Variants in CELF2 observed in about 807,000 individuals in gnomAD.
The protein encoded by CELF2 is CUG triplet repeat RNA-binding protein 2.
CELF2 carries 8 observed loss-of-function variants against 62.6 expected under a neutral mutation model. The observed-to-expected ratio is 0.13, with a 90% CI of 0.07 to 0.23. The LOEUF (loss-of-function observed/expected upper bound fraction) is 0.23, where lower values mean the gene tolerates loss of function less well. CELF2 is among the 10% of genes least tolerant of loss of function. The probability of loss-of-function intolerance (pLI) is 1.00; values close to 1 mark genes in which losing one functional copy is unlikely to be tolerated. For synonymous variants in CELF2, 258 were observed against 250.0 expected (o/e 1.03, Z -0.30); for missense variants, 333 against 671.0 (o/e 0.50, Z 5.56).
At chr10:10,634,282 T>C in the CELF2 span, among the ~76,000 whole-genome samples, 1 of 152,174 alleles carries the variant, frequency 6.6e-6, no homozygotes, top group South Asian at 2.1e-4. Flanking sequence ...ATCTCATTAA[T>C]ATTTTTCCTA....
the CELF2 span, among the ~76,000 whole-genome samples, chr10:10,713,897 T>C: frequency 2.6e-5 from 4 of 152,060 alleles, no homozygotes; most frequent in Non-Finnish European, 5.9e-5. Context: ...TAGCTGGGTG[T>C]GGCGGCACGT....
At chr10:10,604,951 A>G in the CELF2 span, among the ~76,000 whole-genome samples, 9 of 152,214 alleles carry the variant, frequency 5.9e-5, no homozygotes, top group African/African-American at 9.6e-5. Flanking sequence ...GAATCATTCT[A>G]TTATAAAGAT....
At chr10:10,475,949 C>G in the CELF2 span, among the ~76,000 whole-genome samples, 1 of 151,992 alleles carries the variant, frequency 6.6e-6, no homozygotes, top group Non-Finnish European at 1.5e-5. Flanking sequence ...ATTTTGTATA[C>G]CATCACTTCT....
intron 1 of CELF2, among the ~76,000 whole-genome samples, chr10:11,135,838 T>A (rs2060345655): frequency 6.6e-6 from 1 of 152,000 alleles, no homozygotes; most frequent in African/African-American, 2.4e-5. Flanking sequence ...CTGTAAATAA[T>A]GTGTATGGCC....
Position 11,018,013 on chromosome 10 carries a change from C to T in CELF2, c.-77C>T. On this transcript the variant is annotated 5_prime_UTR_variant, in exon 1 of 13. Transcript: ENST00000633077. ...GGAGGCCGCGCGCACCTGTCCCTGC[C>T]CGTCTCGCGCCGCCCGCGGCCGCTC... The T allele has an allele frequency of 9.4e-7, 1 of 1,058,728 alleles. No homozygotes were observed. The highest frequency in any genetic ancestry group is 4.0e-5 in the South Asian group (1 of 25,042). 65.6% of individuals were successfully genotyped at this position (1,058,728 alleles called of 1,614,324 possible).
Position 11,255,345 on chromosome 10 carries a change from CTT to C in CELF2, c.404-2392_404-2391del. ...AGCTGATGCTTTCCTCACTGAGCTC[CTT>C]CTCTGCACATGAAGCGGAAGATGGG... On this transcript the variant is annotated intron_variant, in intron 4 of 12. Coordinates refer to ENST00000633077, the MANE Select transcript of CELF2 (RefSeq NM_001326342.2). This position sits in a 1 kb window ranked among gnomAD's most constrained non-coding sequence, Gnocchi z 5.5. 6.6e-6 allele frequency among the ~76,000 whole-genome samples: 1 copy of C among 152,286 alleles called. No individual in the cohort carries two copies. The highest frequency in any genetic ancestry group is 2.4e-5 in the African/African-American group (1 of 41,558).
At chr10:10,919,859 T>A (rs925229075) in intron 1 of CELF2, 1 of 716,042 alleles carries the variant, frequency 1.4e-6, no homozygotes, top group African/African-American at 1.8e-5. Flanking sequence ...GTACGGTATC[T>A]TCTTTATACC....
chr10:11,090,140 G>A (rs2047915942), intron 1 of CELF2, among the ~76,000 whole-genome samples: 1 of 151,020 alleles, frequency 6.6e-6, no homozygotes, highest in Non-Finnish European at 1.5e-5. Flanking sequence ...AATATACCCA[G>A]GTTACAAACC....
chr10:11,128,719 A>G (rs1301929339), intron 1 of CELF2, among the ~76,000 whole-genome samples: 1 of 152,206 alleles, frequency 6.6e-6, no homozygotes, highest in Non-Finnish European at 1.5e-5. Flanking sequence ...ATTTTTGCAC[A>G]TGGATTTTGT....
chr10:10,792,167 G>A, the CELF2 span, among the ~76,000 whole-genome samples: 2 of 152,080 alleles, frequency 1.3e-5, no homozygotes, highest in Non-Finnish European at 2.9e-5. Context: ...CATGCTAAAC[G>A]GATCATTTGA....
the CELF2 span, among the ~76,000 whole-genome samples, chr10:10,496,058 T>G: frequency 1.3e-5 from 2 of 152,182 alleles, no homozygotes. Context: ...TGATTCATTC[T>G]GTCCATGGAA....
At chr10:11,163,609 A>T (rs1482780100) in intron 1 of CELF2, among the ~76,000 whole-genome samples, 1 of 152,236 alleles carries the variant, frequency 6.6e-6, no homozygotes, top group Non-Finnish European at 1.5e-5. Flanking sequence ...TGTACTCAGT[A>T]TTTTATTCAG....
chr10:11,058,461 G>GTTTTTTTGTTTTTTTTTTTTT (rs2065868708), intron 1 of CELF2, among the ~76,000 whole-genome samples: 2 of 116,806 alleles, frequency 1.7e-5, no homozygotes, highest in African/African-American at 6.4e-5. Context: ...TTTTTTGTTG[G>GTTTTTTTGTTTTTTTTTTTTT]TTTTTTTTTT....
At chr10:10,543,882 T>G in the CELF2 span, among the ~76,000 whole-genome samples, 3 of 152,132 alleles carry the variant, frequency 2.0e-5, no homozygotes, top group Admixed American at 6.6e-5. Flanking sequence ...ATAAACAAAT[T>G]CAGCGCTAAG....
intron 9 of CELF2, among the ~76,000 whole-genome samples, chr10:11,301,824 A>G (rs2093780714): frequency 1.3e-5 from 2 of 151,932 alleles, no homozygotes; most frequent in African/African-American, 2.4e-5. Context: ...GGGTGGGGCC[A>G]CAGGCTCACC....
chr10:11,005,468 T>C lies in CELF2; in HGVS notation c.53+28T>C, dbSNP rs1045876668. 1.2e-6 allele frequency: 2 copies of C among 1,613,884 alleles called. No homozygotes were observed. The highest frequency in any genetic ancestry group is 1.7e-6 in the Non-Finnish European group (2 of 1,179,810). On this transcript the variant is annotated intron_variant, in intron 1 of 12. Coordinates refer to the CELF2 transcript ENST00000416382. This position sits in a 1 kb window ranked among gnomAD's most constrained non-coding sequence, Gnocchi z 4.3. Reference sequence around the variant, plus strand: ...ATGTTGTTGTGTCCTTTGTTTTTAATGCACGCTTTTCTAGTTTCTAGAGCT... The same window carrying C: ...ATGTTGTTGTGTCCTTTGTTTTTAACGCACGCTTTTCTAGTTTCTAGAGCT...
the CELF2 span, among the ~76,000 whole-genome samples, chr10:10,788,052 T>C: frequency 6.6e-6 from 1 of 152,112 alleles, no homozygotes; most frequent in African/African-American, 2.4e-5. Context: ...CTTGAGGACA[T>C]TAGATATGAT....
At chr10:10,999,100 C>T (rs1286649450) in intron 2 of CELF2, among the ~76,000 whole-genome samples, 1 of 152,170 alleles carries the variant, frequency 6.6e-6, no homozygotes, top group African/African-American at 2.4e-5. Context: ...GGAACAGGCC[C>T]TTCCTAATCT....
At chr10:11,272,409 T>C (rs2084158563) in intron 7 of CELF2, among the ~76,000 whole-genome samples, 1 of 152,260 alleles carries the variant, frequency 6.6e-6, no homozygotes, top group Non-Finnish European at 1.5e-5. Flanking sequence ...TTTAATTCTG[T>C]GTACCAGAAT....
Sources: allele counts gnomAD v4.1 joint callset (sites outside exome capture counted in the v4.1 genomes callset), GRCh38; gene constraint gnomAD v4.1.1; non-coding constraint Gnocchi (gnomAD v3.1); transcripts MANE v1.5; gene names NCBI Gene and HGNC (gene_info 2026-07-23, HGNC 2026-07-21).